Variants in ECI2 observed in about 807,000 individuals in gnomAD.
ECI2 encodes enoyl-CoA delta isomerase 2.
ECI2 carries 27 observed loss-of-function variants against 38.4 expected under a neutral mutation model. The observed-to-expected ratio is 0.70, with a 90% CI of 0.52 to 0.97. The LOEUF (loss-of-function observed/expected upper bound fraction) is 0.97, where lower values mean the gene tolerates loss of function less well. Among genes scored for constraint, ECI2 ranks in the 50% least tolerant of loss-of-function variants. The pLI is 0.00. For missense variants in ECI2, 470 were observed against 474.4 expected (o/e 0.99, Z 0.09); for synonymous variants, 168 against 172.0 (o/e 0.98, Z 0.18).
Position 4,123,769 on chromosome 6 carries a change from C to A in ECI2, c.795+1481G>T, listed in dbSNP as rs371417879. ...ATCACTTGAGGTCAGGAGTTCGAGACCAGCCTGGCCGACACAGTGAAACCC... is the reference window on the plus strand; with the variant it reads ...ATCACTTGAGGTCAGGAGTTCGAGAACAGCCTGGCCGACACAGTGAAACCC... On this transcript the variant is annotated intron_variant, in intron 7 of 9. Coordinates refer to ENST00000380118, the MANE Select transcript of ECI2 (RefSeq NM_206836.3). Among the ~76,000 whole-genome samples the A allele has an allele frequency of 3.9e-5, 6 of 151,962 alleles. No homozygotes were observed. In the South Asian group the frequency reaches 1.0e-3, roughly 26 times the overall value.
intron 4 of ECI2, 80 bp downstream of exon 4, chr6:4,130,292 C>A (rs1160892143): frequency 6.2e-7 from 1 of 1,613,534 alleles, no homozygotes; most frequent in South Asian, 1.1e-5. Context: ...AGGAATGATG[C>A]TGAAACTCTA....
intron 5 of ECI2, 93 bp downstream of exon 5, chr6:4,127,668 CT>C: frequency 7.5e-7 from 1 of 1,326,116 alleles, no homozygotes; most frequent in East Asian, 2.4e-5. Flanking sequence ...CTGCCTCGGC[CT>C]CCAGGTCTTA....
At chr6:4,117,506 TC>T (rs1772360942) in intron 8 of ECI2, 55 bp from the exon 9 acceptor site, 6 of 1,586,240 alleles carry the variant, frequency 3.8e-6, no homozygotes, top group Non-Finnish European at 4.3e-6. Flanking sequence ...AAACAAGGCT[TC>T]AGTTAACTGC....
chr6:4,119,326 T>C, intron 7 of ECI2, 51 bp from the exon 8 acceptor site: 2 of 1,461,732 alleles, frequency 1.4e-6, no homozygotes, highest in Non-Finnish European at 1.9e-6. Flanking sequence ...GTGATTTTTT[T>C]TTTTTTTTTT....
chr6:4,129,654 C>A (rs1773399539), intron 4 of ECI2, among the ~76,000 whole-genome samples: 1 of 152,018 alleles, frequency 6.6e-6, no homozygotes, highest in African/African-American at 2.4e-5. Flanking sequence ...GCATTAAATG[C>A]TTTATTAGTT....
intron 6 of ECI2, chr6:4,125,736 TAA>T: frequency 2.4e-6 from 1 of 411,568 alleles, no homozygotes; most frequent in Non-Finnish European, 4.5e-6. Flanking sequence ...TTGGCAGGAA[TAA>T]AGAGAAAAGC....
chr6:4,115,838 C>T lies in ECI2; in HGVS notation c.*36G>A, dbSNP rs1436715590. ...TGGAAATCAGAGGTAACAGCACATC[C>T]TTCCTTGGACATGCTTTACTCTGCT... On this transcript the variant is annotated 3_prime_UTR_variant, in exon 10 of 10. Transcript: ENST00000380118. 2.5e-6 allele frequency: 4 copies of T among 1,581,010 alleles called. No individual in the cohort carries two copies. The highest frequency in any genetic ancestry group is 2.6e-6 in the Non-Finnish European group (3 of 1,165,072).
intron 8 of ECI2, 40 bp downstream of exon 8, chr6:4,119,146 T>G (rs758216732): frequency 4.6e-6 from 7 of 1,507,554 alleles, no homozygotes; most frequent in Non-Finnish European, 5.5e-6. Flanking sequence ...TTTCTTGAGA[T>G]GACTCATAAA....
chr6:4,126,032 C>G, intron 6 of ECI2, 103 bp downstream of exon 6: 1 of 886,160 alleles, frequency 1.1e-6, no homozygotes, highest in South Asian at 1.4e-5. Flanking sequence ...CAATTAACTG[C>G]ACTGACACAG....
chr6:4,135,104 C>CT (rs1283068990), intron 1 of ECI2: 10 of 482,016 alleles, frequency 2.1e-5, no homozygotes, highest in African/African-American at 1.6e-4. Flanking sequence ...GTGATAACGG[C>CT]TTGCGTTTAC....
chr6:4,134,180 T>C (rs1773621626), intron 1 of ECI2, among the ~76,000 whole-genome samples: 1 of 152,218 alleles, frequency 6.6e-6, no homozygotes, highest in African/African-American at 2.4e-5. Context: ...GAAGCTGGTG[T>C]TCCAACATAC....
At chr6:4,133,313 A>T (rs622859) in intron 2 of ECI2, among the ~76,000 whole-genome samples, 1 of 151,984 alleles carries the variant, frequency 6.6e-6, no homozygotes, top group Admixed American at 6.5e-5. Flanking sequence ...TGTGAATATT[A>T]TATCTCGTAA....
chr6:4,125,957 A>C (rs985470964), intron 6 of ECI2, 178 bp downstream of exon 6: 1 of 688,504 alleles, frequency 1.5e-6, no homozygotes, highest in Non-Finnish European at 2.6e-6. Context: ...CAGAGGTCAA[A>C]GAGAAAGAAT....
chr6:4,117,547 G>A, intron 8 of ECI2, 96 bp from the exon 9 acceptor site: 1 of 1,469,274 alleles, frequency 6.8e-7, no homozygotes, highest in South Asian at 1.4e-5. Flanking sequence ...ATGTACTCAT[G>A]GTCTTTTGAG....
At chr6:4,133,449 C>T in intron 2 of ECI2, 100 bp downstream of exon 2, 2 of 1,440,858 alleles carry the variant, frequency 1.4e-6, no homozygotes, top group South Asian at 2.8e-5. Flanking sequence ...GCAAGACAAA[C>T]CAAAATGTTA....
At position 4,125,379 on chromosome 6, in the gene ECI2, A is replaced by G; in HGVS notation, c.675-9T>C. 1 of 1,613,988 alleles carries G rather than the reference A, an allele frequency of 6.2e-7. No homozygotes were observed. Among genetic ancestry groups the G allele is most frequent in the Non-Finnish European group, 8.5e-7 (1 of 1,180,022 alleles). On this transcript the variant is annotated splice_polypyrimidine_tract_variant and intron_variant, in intron 6 of 9. Coordinates refer to ENST00000380118, the MANE Select transcript of ECI2 (RefSeq NM_206836.3). Reference sequence around the variant, plus strand: ...AACAGCCCACAAATTCCCTACAGAAATGGAAACACAAAATCATTAAATGTG... The same window carrying G: ...AACAGCCCACAAATTCCCTACAGAAGTGGAAACACAAAATCATTAAATGTG...
At chr6:4,116,707 G>C (rs1302602733) in intron 9 of ECI2, among the ~76,000 whole-genome samples, 3 of 152,130 alleles carry the variant, frequency 2.0e-5, no homozygotes, top group Non-Finnish European at 4.4e-5. Flanking sequence ...GCCTCCCAAA[G>C]TACTGAGACT....
At chr6:4,133,852 G>A in intron 1 of ECI2, 141 bp from the exon 2 acceptor site, 8 of 996,332 alleles carry the variant, frequency 8.0e-6, no homozygotes, top group Non-Finnish European at 9.6e-6. Context: ...CAGCAAACTG[G>A]CTGCAAATAA....
intron 7 of ECI2, 116 bp from the exon 8 acceptor site, chr6:4,119,391 G>A (rs896187472): frequency 8.8e-6 from 6 of 681,510 alleles, no homozygotes; most frequent in Non-Finnish European, 1.2e-5. Flanking sequence ...CGCGATCTCG[G>A]CTCACTGCAA....
Sources: allele counts gnomAD v4.1 joint callset (sites outside exome capture counted in the v4.1 genomes callset), GRCh38; gene constraint gnomAD v4.1.1; transcripts MANE v1.5; gene names NCBI Gene and HGNC (gene_info 2026-07-23, HGNC 2026-07-21).